Variants in ARMH4 observed in about 807,000 individuals in gnomAD.
The protein encoded by ARMH4 is armadillo like helical domain containing 4.
In ARMH4, 49 loss-of-function variants were observed where a neutral mutation model predicts 61.9. The ratio of observed to expected loss-of-function variants is 0.79; its 90% CI spans 0.63 to 1.00. ARMH4 has a LOEUF of 1.00. Among genes scored for constraint, ARMH4 ranks in the 50% least tolerant of loss-of-function variants. The probability of loss-of-function intolerance (pLI) is 0.00; values close to 1 mark genes in which losing one functional copy is unlikely to be tolerated. For synonymous variants in ARMH4, 368 were observed against 341.5 expected (o/e 1.08, Z -0.85); for missense variants, 934 against 930.0 (o/e 1.00, Z -0.06).
intron 5 of ARMH4, among the ~76,000 whole-genome samples, chr14:58,019,688 G>A (rs1882744395): frequency 6.6e-6 from 1 of 152,132 alleles, no homozygotes. Context: ...CTACTCAGGA[G>A]ACCAAGGCAG....
At chr14:58,063,476 G>A (rs532501127) in intron 5 of ARMH4, among the ~76,000 whole-genome samples, 1 of 152,174 alleles carries the variant, frequency 6.6e-6, no homozygotes, top group Non-Finnish European at 1.5e-5. Flanking sequence ...GATAAAGATG[G>A]GAAAGAAGAT....
chr14:58,127,211 G>T (rs768752583), intron 4 of ARMH4, among the ~76,000 whole-genome samples: 1 of 152,148 alleles, frequency 6.6e-6, no homozygotes, highest in Admixed American at 6.5e-5. Context: ...AATATGGTTT[G>T]GTTGTGTCCC....
chr14:58,013,098 C>T (rs1193370674), intron 5 of ARMH4, among the ~76,000 whole-genome samples: 1 of 152,064 alleles, frequency 6.6e-6, no homozygotes, highest in East Asian at 1.9e-4. Context: ...TTTAAGATTT[C>T]CTGAAATTTT....
At chr14:58,149,084 ATTAAT>A (rs1162920900) in intron 1 of ARMH4, among the ~76,000 whole-genome samples, 2 of 152,186 alleles carry the variant, frequency 1.3e-5, no homozygotes, top group African/African-American at 4.8e-5. Flanking sequence ...TTCCTCAATG[ATTAAT>A]TTATCATTGT....
At chr14:58,028,594 T>C (rs4901835) in intron 5 of ARMH4, among the ~76,000 whole-genome samples, 69,108 of 151,918 alleles carry the variant, frequency 0.45, 16,389 homozygotes, top group East Asian at 0.67. Context: ...CCATTCCCTG[T>C]CCTCCACCAG....
At position 58,139,292 on chromosome 14, in the gene ARMH4, T is replaced by C; in HGVS notation, c.67A>G (p.Thr23Ala). Residue 23 changes from threonine (T) to alanine (A), a missense_variant, in exon 2 of 8, where the codon ACA becomes GCA. Physicochemically the swap from Thr to Ala is moderately conservative, Grantham distance 58. Coordinates refer to ENST00000267485, the MANE Select transcript of ARMH4 (RefSeq NM_001001872.4). The part of the protein sequence containing the change: ...FCSLLLFSVA[T>A]QCLAFPKIER... The stretch of plus-strand genomic sequence containing the variant: ...ATTTTGGGGAAGGCCAGACATTGTG[T>C]GGCAACGCTGAAAAGCAGAAGGCTA... 1 of 1,614,190 alleles carries C rather than the reference T, an allele frequency of 6.2e-7. No homozygotes were observed. The highest frequency in any genetic ancestry group is 8.5e-7 in the Non-Finnish European group (1 of 1,180,032).
At chr14:58,142,423 G>A (rs1342798103) in intron 1 of ARMH4, among the ~76,000 whole-genome samples, 1 of 151,960 alleles carries the variant, frequency 6.6e-6, no homozygotes, top group Non-Finnish European at 1.5e-5. Flanking sequence ...AAAGAAGCCG[G>A]AATTTTCCTT....
At chr14:58,077,812 G>A (rs1003882358) in intron 5 of ARMH4, among the ~76,000 whole-genome samples, 4 of 152,194 alleles carry the variant, frequency 2.6e-5, no homozygotes, top group Non-Finnish European at 5.9e-5. Flanking sequence ...CACACATCCT[G>A]TCTCTTTCTT....
chr14:58,057,978 C>T (rs2141209725), intron 5 of ARMH4, among the ~76,000 whole-genome samples: 1 of 152,304 alleles, frequency 6.6e-6, no homozygotes, highest in East Asian at 1.9e-4. Flanking sequence ...AACCACAGTA[C>T]ACACAGAAAC....
chr14:58,140,275 C>CGAA (rs529786796), intron 1 of ARMH4, among the ~76,000 whole-genome samples: 3 of 131,358 alleles, frequency 2.3e-5, no homozygotes, highest in African/African-American at 8.6e-5. Flanking sequence ...AACTCCATCT[C>CGAA]AAAAAAAAAA....
At chr14:58,140,144 A>C (rs899159748) in intron 1 of ARMH4, among the ~76,000 whole-genome samples, 2 of 150,188 alleles carry the variant, frequency 1.3e-5, no homozygotes. Flanking sequence ...GAGTGGGCGT[A>C]GGCACCTGTA....
chr14:58,095,563 G>A (rs1885720698), intron 5 of ARMH4, among the ~76,000 whole-genome samples: 1 of 152,162 alleles, frequency 6.6e-6, no homozygotes, highest in South Asian at 2.1e-4. Context: ...CATGTGACAT[G>A]TTTTTAAAGT....
intron 5 of ARMH4, among the ~76,000 whole-genome samples, chr14:58,015,012 G>C (rs1882555303): frequency 6.6e-6 from 1 of 152,184 alleles, no homozygotes; most frequent in Non-Finnish European, 1.5e-5. Context: ...CTGGAGAAGA[G>C]GAAAAGGAGG....
chr14:58,139,346 T>G lies in ARMH4; in HGVS notation c.13A>C (p.Ile5Leu), dbSNP rs959725121. The G allele has an allele frequency of 2.5e-6, 4 of 1,613,812 alleles. No homozygotes were observed. In the African/African-American group the frequency reaches 5.3e-5, roughly 22 times the overall value. The change falls in exon 2 of 8, where the codon ATT (isoleucine) becomes CTT (leucine). Residue 5 changes from isoleucine to leucine, a missense_variant. Coordinates refer to ENST00000267485, the MANE Select transcript of ARMH4 (RefSeq NM_001001872.4). ...AAAGCCAGACAAATGTGCAATACAATCGGTCCTCTCATAGTGGAAGAGAAA... is the reference window on the plus strand; with the variant it reads ...AAAGCCAGACAAATGTGCAATACAAGCGGTCCTCTCATAGTGGAAGAGAAA... MRGP[I>L]VLHICLAFCS...
intron 6 of ARMH4, among the ~76,000 whole-genome samples, chr14:58,011,425 C>T (rs777143574): frequency 5.9e-5 from 9 of 151,984 alleles, no homozygotes; most frequent in Non-Finnish European, 1.0e-4. Flanking sequence ...AAAAGATTTC[C>T]ATTTAGCTGA....
intron 5 of ARMH4, among the ~76,000 whole-genome samples, chr14:58,024,674 C>A (rs1449436169): frequency 6.6e-6 from 1 of 152,188 alleles, no homozygotes; most frequent in Non-Finnish European, 1.5e-5. Flanking sequence ...GCCTTCCCCA[C>A]TAAGCTTAAC....
intron 5 of ARMH4, among the ~76,000 whole-genome samples, chr14:58,064,970 G>A (rs568561055): frequency 6.6e-6 from 1 of 152,200 alleles, no homozygotes; most frequent in Non-Finnish European, 1.5e-5. Flanking sequence ...CTGGCCAGGT[G>A]TGGTGGTTTA....
Position 58,138,549 on chromosome 14 carries a change from G to C in ARMH4, c.810C>G (p.Thr270=), listed in dbSNP as rs757855877. 6.2e-7 allele frequency: 1 copy of C among 1,614,206 alleles called. No homozygotes were observed. The highest frequency in any genetic ancestry group is 8.5e-7 in the Non-Finnish European group (1 of 1,180,040). ...ACTCGGAAGTTTCGAGTGGTTGCTT[G>C]GTGGCAGCAGCCTGGGTGTTATCAG... ...MTADNTQAAA[T]KQPLETSEYT... The change falls in exon 2 of 8, where the codon ACC becomes ACG. Residue 270 remains threonine (T), a synonymous_variant. Coordinates refer to ENST00000267485, the MANE Select transcript of ARMH4 (RefSeq NM_001001872.4).
At chr14:58,037,737 CG>C (rs1883525937) in intron 5 of ARMH4, among the ~76,000 whole-genome samples, 1 of 8,690 alleles carries the variant, frequency 1.2e-4, no homozygotes, top group Non-Finnish European at 2.0e-4. Context: ...AAAAAGTGGG[CG>C]AAGGACATGA....
Sources: allele counts gnomAD v4.1 joint callset (sites outside exome capture counted in the v4.1 genomes callset), GRCh38; gene constraint gnomAD v4.1.1; transcripts MANE v1.5; gene names NCBI Gene and HGNC (gene_info 2026-07-23, HGNC 2026-07-21).